Variants in CSMD3 observed in about 807,000 individuals in gnomAD.
The protein encoded by CSMD3 is CUB and sushi domain-containing protein 3.
In CSMD3, 177 loss-of-function variants were observed where a neutral mutation model predicts 435.2. That is an observed-to-expected ratio of 0.41 (90% confidence interval 0.36 to 0.46). The LOEUF is 0.46. CSMD3 is among the 20% of genes least tolerant of loss of function. The pLI, the probability that CSMD3 is intolerant of heterozygous loss-of-function variation, is 0.34. For missense variants in CSMD3, 4,265 were observed against 4,504.6 expected (o/e 0.95, Z 1.52); for synonymous variants, 1,656 against 1,520.5 (o/e 1.09, Z -2.07).
chr8:112,303,127 T>C (rs1396578942), intron 52 of CSMD3, among the ~76,000 whole-genome samples: 3 of 152,110 alleles, frequency 2.0e-5, no homozygotes, highest in Admixed American at 6.6e-5. Context: ...AATAATTACC[T>C]AGCTCTTTGA....
rs1176802915 is a variant in CSMD3, at chr8:112,669,955, T to G, written c.2678-3540A>C. Reference sequence around the variant, plus strand: ...GCAGTTTGACTCTAGAAAAATTCTTTCCAACTGACATTAAGATAGTCTTTT... The same window carrying G: ...GCAGTTTGACTCTAGAAAAATTCTTGCCAACTGACATTAAGATAGTCTTTT... On this transcript the variant is annotated intron_variant, in intron 16 of 70. Transcript: ENST00000297405. Among the ~76,000 whole-genome samples the G allele has an allele frequency of 5.3e-5, 8 of 152,204 alleles. No homozygotes were observed. In the East Asian group the frequency reaches 1.5e-3, roughly 29 times the overall value.
intron 22 of CSMD3, among the ~76,000 whole-genome samples, chr8:112,592,504 C>G (rs776095462): frequency 6.6e-6 from 1 of 151,900 alleles, no homozygotes; most frequent in African/African-American, 2.4e-5. Flanking sequence ...TCCCCTTAAA[C>G]ATTTGTTTTT....
intron 38 of CSMD3, among the ~76,000 whole-genome samples, chr8:112,372,744 G>T (rs1231709694): frequency 1.3e-5 from 2 of 151,782 alleles, no homozygotes; most frequent in African/African-American, 4.8e-5. Flanking sequence ...AGCTACTCAG[G>T]AGGCTGAGGC....
intron 13 of CSMD3, among the ~76,000 whole-genome samples, chr8:112,742,267 A>T (rs1421620162): frequency 6.6e-6 from 1 of 151,950 alleles, no homozygotes; most frequent in Non-Finnish European, 1.5e-5. Flanking sequence ...GAAGATTATA[A>T]TGTCATAAGC....
chr8:112,227,052 C>G (rs1812644062), intron 70 of CSMD3, among the ~76,000 whole-genome samples: 1 of 152,074 alleles, frequency 6.6e-6, no homozygotes, highest in Non-Finnish European at 1.5e-5. Flanking sequence ...GCCACATATT[C>G]CAGTAATTTC....
intron 22 of CSMD3, among the ~76,000 whole-genome samples, chr8:112,596,586 C>A (rs1394078099): frequency 2.0e-5 from 3 of 152,196 alleles, no homozygotes; most frequent in Admixed American, 6.5e-5. Context: ...CCACACCACA[C>A]CTATTCCAAA....
At chr8:113,232,069 C>G (rs1440928440) in intron 3 of CSMD3, among the ~76,000 whole-genome samples, 1 of 151,238 alleles carries the variant, frequency 6.6e-6, no homozygotes, top group Non-Finnish European at 1.5e-5. Flanking sequence ...GAATTTATAC[C>G]CTTGAAATTT....
chr8:112,481,051 A>G (rs1819583754), intron 31 of CSMD3, among the ~76,000 whole-genome samples: 1 of 152,208 alleles, frequency 6.6e-6, no homozygotes, highest in African/African-American at 2.4e-5. Flanking sequence ...TGAATTATGT[A>G]TGCAATGATA....
rs2092640465 is a variant in CSMD3, at chr8:113,195,454, G to A, written c.515-21538C>T. The stretch of plus-strand genomic sequence containing the variant: ...TGTGATGATTATGATTTTCTTTATT[G>A]AGTAGGAATGCCAGAGAAAATACAA... On this transcript the variant is annotated intron_variant, in intron 3 of 70. Transcript: ENST00000297405. Among the ~76,000 whole-genome samples, 5 of 150,816 alleles carry A rather than the reference G, an allele frequency of 3.3e-5. No homozygotes were observed. In the South Asian group the frequency reaches 1.0e-3, roughly 31 times the overall value.
In CSMD3 at chr8:113,083,432, G is replaced by A. The variant is rs111247091; in HGVS notation, c.917+15324C>T. ...TCTTAAGCTATGCTTAAGAAATGAAGAAGAAATATGGTCTTTCCCAAGCAA... is the reference window on the plus strand; with the variant it reads ...TCTTAAGCTATGCTTAAGAAATGAAAAAGAAATATGGTCTTTCCCAAGCAA... On this transcript the variant is annotated intron_variant, in intron 5 of 70. Coordinates refer to ENST00000297405, the MANE Select transcript of CSMD3 (RefSeq NM_198123.2). 2.8e-3 allele frequency among the ~76,000 whole-genome samples: 430 copies of A among 152,070 alleles called. 2 individuals are homozygous for A. Among genetic ancestry groups the A allele is most frequent in the African/African-American group, 9.7e-3 (401 of 41,536 alleles).
At chr8:113,010,494 C>A (rs563648980) in intron 6 of CSMD3, among the ~76,000 whole-genome samples, 21 of 151,848 alleles carry the variant, frequency 1.4e-4, no homozygotes, top group Non-Finnish European at 2.5e-4. Context: ...CCAAGTACTA[C>A]ATTTGAACCT....
intron 9 of CSMD3, among the ~76,000 whole-genome samples, chr8:112,924,294 T>C (rs1431053581): frequency 6.6e-6 from 1 of 152,182 alleles, no homozygotes; most frequent in African/African-American, 2.4e-5. Context: ...GGAGATGTTA[T>C]GATGGCAACA....
chr8:112,964,025 AGTATCATTTACTGGCT>A (rs1270154650), intron 7 of CSMD3, among the ~76,000 whole-genome samples: 10 of 151,998 alleles, frequency 6.6e-5, no homozygotes, highest in Admixed American at 3.3e-4. Context: ...AGAAAGGGGC[AGTATCATTTACTGGCT>A]GTGCATCTAA....
intron 21 of CSMD3, 70 bp downstream of exon 21, chr8:112,638,626 A>T: frequency 2.2e-6 from 2 of 900,480 alleles, no homozygotes; most frequent in Non-Finnish European, 3.6e-6. Context: ...ATCATCAGTT[A>T]TGCTCATATC....
intron 64 of CSMD3, among the ~76,000 whole-genome samples, chr8:112,246,786 G>A (rs1814772375): frequency 6.6e-6 from 1 of 151,996 alleles, no homozygotes; most frequent in South Asian, 2.1e-4. Flanking sequence ...CTAAACATAA[G>A]GTCTTTACAA....
At chr8:112,615,868 TGGTCATG>T (rs1833622661) in intron 22 of CSMD3, among the ~76,000 whole-genome samples, 1 of 152,134 alleles carries the variant, frequency 6.6e-6, no homozygotes, top group East Asian at 1.9e-4. Flanking sequence ...AAATAAGTGT[TGGTCATG>T]TTTTCACCGA....
At chr8:113,420,355 A>G (rs2094603798) in intron 1 of CSMD3, among the ~76,000 whole-genome samples, 1 of 152,130 alleles carries the variant, frequency 6.6e-6, no homozygotes, top group African/African-American at 2.4e-5. Context: ...TAATTTTTCA[A>G]CATGCTGAAT....
chr8:113,355,141 A>C (rs2094213295), intron 1 of CSMD3, among the ~76,000 whole-genome samples: 1 of 152,202 alleles, frequency 6.6e-6, no homozygotes, highest in African/African-American at 2.4e-5. Flanking sequence ...TATGTATTAT[A>C]CAGTTTTAAG....
At position 112,304,448 on chromosome 8, in the gene CSMD3, A is replaced by C. The variant is rs72672892; in HGVS notation, c.8266+273T>G. On this transcript the variant is annotated intron_variant, in intron 52 of 70. Coordinates refer to ENST00000297405, the MANE Select transcript of CSMD3 (RefSeq NM_198123.2). Reference sequence around the variant, plus strand: ...TAAAAGCAGTGTCTGTCAAGTAGTAAGTAATCATTACTTCATTGTTAAAGT... The same window carrying C: ...TAAAAGCAGTGTCTGTCAAGTAGTACGTAATCATTACTTCATTGTTAAAGT... Among the ~76,000 whole-genome samples, 441 of 152,132 alleles carry C rather than the reference A, an allele frequency of 2.9e-3. 1 individual carries two copies. The highest frequency in any genetic ancestry group is 4.8e-3 in the Non-Finnish European group (328 of 67,980).
Sources: gnomAD v4.1 joint callset for allele counts (sites outside exome capture counted in the v4.1 genomes callset) on GRCh38, gnomAD v4.1.1 for gene constraint, MANE v1.5 for transcripts, NCBI Gene and HGNC (gene_info 2026-07-23, HGNC 2026-07-21) for gene names.